Variants in HIF1A observed in about 807,000 individuals in gnomAD.
The protein encoded by HIF1A is hypoxia-inducible factor 1-alpha.
A neutral mutation model predicts 92.7 loss-of-function variants in HIF1A; 24 were observed. The observed-to-expected ratio is 0.26, with a 90% CI of 0.19 to 0.36. The LOEUF (loss-of-function observed/expected upper bound fraction) is 0.36. Ranked by LOEUF, HIF1A falls within the 10% of genes least tolerant of loss-of-function variation. HIF1A has a pLI of 1.00. For synonymous variants in HIF1A, 319 were observed against 338.7 expected, an observed-to-expected ratio of 0.94 and a Z score of 0.64; for missense variants, 799 against 998.5, an observed-to-expected ratio of 0.80 and a Z score of 2.69.
chr14:61,731,866 T>C (rs1376159660), intron 6 of HIF1A, among the ~76,000 whole-genome samples: 1 of 152,208 alleles, frequency 6.6e-6, no homozygotes, highest in African/African-American at 2.4e-5. Context: ...GCTGGGCACG[T>C]TGGCTCATGC....
At chr14:61,724,307 T>C (rs2140140093) in intron 4 of HIF1A, among the ~76,000 whole-genome samples, 1 of 143,032 alleles carries the variant, frequency 7.0e-6, no homozygotes, top group East Asian at 2.1e-4. Context: ...TTACTGCCAC[T>C]ACCACAACCA....
chr14:61,721,496 G>A lies in HIF1A; in HGVS notation c.227-13G>A. The stretch of plus-strand genomic sequence containing the variant: ...TTTAACTAATTATTTTCCTCTTCTT[G>A]TGCCCTTTTTAGGTGATTTGGATAT... On this transcript the variant is annotated splice_polypyrimidine_tract_variant and intron_variant, in intron 2 of 14. Coordinates refer to ENST00000337138, the MANE Select transcript of HIF1A (RefSeq NM_001530.4). The A allele has an allele frequency of 1.2e-6, 2 of 1,604,250 alleles. No individual in the cohort carries two copies. Among genetic ancestry groups the A allele is most frequent in the South Asian group, 1.1e-5 (1 of 90,086 alleles).
chr14:61,737,911 C>T (rs1049967010), intron 9 of HIF1A, among the ~76,000 whole-genome samples, 176 bp from the exon 10 acceptor site: 2 of 152,028 alleles, frequency 1.3e-5, no homozygotes, highest in African/African-American at 2.4e-5. Flanking sequence ...CCTGTAATCC[C>T]AGCTACTTGG....
chr14:61,705,609 T>TTCCA (rs1324055732), intron 1 of HIF1A, among the ~76,000 whole-genome samples: 1 of 152,166 alleles, frequency 6.6e-6, no homozygotes, highest in Admixed American at 6.5e-5. Context: ...ATATTGAGCA[T>TTCCA]CTGATTTGTG....
At chr14:61,735,262 G>T (rs1466704429) in intron 8 of HIF1A, among the ~76,000 whole-genome samples, 1 of 152,188 alleles carries the variant, frequency 6.6e-6, no homozygotes, top group Non-Finnish European at 1.5e-5. Context: ...ACGCATTAGA[G>T]ATTTAGCCTT....
chr14:61,728,879 TTCCC>T (rs2044540271), intron 6 of HIF1A, among the ~76,000 whole-genome samples: 1 of 152,150 alleles, frequency 6.6e-6, no homozygotes, highest in Non-Finnish European at 1.5e-5. Flanking sequence ...CCTCAAATGC[TTCCC>T]TCCATCTTTG....
chr14:61,725,049 G>T (rs1326744978), intron 4 of HIF1A, among the ~76,000 whole-genome samples: 1 of 152,004 alleles, frequency 6.6e-6, no homozygotes, highest in Non-Finnish European at 1.5e-5. Context: ...TCCTACCTCT[G>T]TGCTTTTCAT....
intron 6 of HIF1A, among the ~76,000 whole-genome samples, chr14:61,731,521 A>C (rs1364518820): frequency 6.6e-6 from 1 of 152,210 alleles, no homozygotes; most frequent in African/African-American, 2.4e-5. Flanking sequence ...AATGCCAAAA[A>C]CTAAACTAAG....
At chr14:61,710,819 G>A (rs1254688938) in intron 1 of HIF1A, among the ~76,000 whole-genome samples, 1 of 152,074 alleles carries the variant, frequency 6.6e-6, no homozygotes, top group Non-Finnish European at 1.5e-5. Flanking sequence ...CCAGCACTTT[G>A]GGAGGCTGAG....
Position 61,740,755 on chromosome 14 carries a change from G to A in HIF1A, c.1660G>A (p.Asp554Asn). Residue 554 changes from aspartate to asparagine, a missense_variant and splice_region_variant, in exon 12 of 15, where the codon GAC becomes AAC. Asp to Asn is a conservative substitution (Grantham distance 23). This residue lies in a region of HIF1A where 516 missense variants were observed against 721.0 expected (regional missense o/e 0.72). Coordinates refer to ENST00000337138, the MANE Select transcript of HIF1A (RefSeq NM_001530.4). ...AACTCATGTATTTGCTGTTTTAAAG[G>A]ACACAGATTTAGACTTGGAGATGTT... ...TEAKNPFSTQDTDLDLEMLAP... is the reference protein window; with the variant it reads ...TEAKNPFSTQNTDLDLEMLAP... The A allele has an allele frequency of 6.2e-7, 1 of 1,606,298 alleles. No homozygotes were observed. The highest frequency in any genetic ancestry group is 8.5e-7 in the Non-Finnish European group (1 of 1,176,264).
chr14:61,700,560 T>G (rs2044166193), intron 1 of HIF1A, among the ~76,000 whole-genome samples: 2 of 152,216 alleles, frequency 1.3e-5, no homozygotes, highest in Admixed American at 6.5e-5. Context: ...AACGGACACT[T>G]GGGTTGCTTC....
intron 14 of HIF1A, 139 bp from the exon 15 acceptor site, chr14:61,746,795 A>G: frequency 1.7e-6 from 1 of 591,758 alleles, no homozygotes; most frequent in African/African-American, 1.9e-5. Context: ...TTTTTAACAT[A>G]GTTGTGGTTT....
rs955661578 is a variant in HIF1A, at chr14:61,707,483, C to T, written c.35+11644C>T. ...CCCCCCACCCCACAACAGGCCCCGG[C>T]GTGTGATGTTCCCCTTCCTGTGTCC... is the stretch of plus-strand genomic sequence containing the variant. On this transcript the variant is annotated intron_variant, in intron 1 of 14. Transcript: ENST00000337138. 5.3e-5 allele frequency among the ~76,000 whole-genome samples: 8 copies of T among 151,926 alleles called. No individual in the cohort carries two copies. In the South Asian group the frequency reaches 1.0e-3, roughly 20 times the overall value.
chr14:61,741,142 T>C lies in HIF1A; in HGVS notation c.2047T>C (p.Ser683Pro), dbSNP rs1394308052. The C allele has an allele frequency of 6.2e-7, 1 of 1,612,580 alleles. No individual in the cohort carries two copies. Among genetic ancestry groups the C allele is most frequent in the East Asian group, 2.2e-5 (1 of 44,878 alleles). Residue 683 changes from serine to proline, a missense_variant, in exon 12 of 15, where the codon TCT becomes CCT. By Grantham distance (74) the Ser-to-Pro change is moderately conservative. Coordinates refer to ENST00000337138, the MANE Select transcript of HIF1A (RefSeq NM_001530.4). Reference sequence around the variant, plus strand: ...AGGAGTCATAGAACAGACAGAAAAATCTCATCCAAGAAGCCCTAACGTGTT... The same window carrying C: ...AGGAGTCATAGAACAGACAGAAAAACCTCATCCAAGAAGCCCTAACGTGTT... ...GKGVIEQTEK[S>P]HPRSPNVLSV...
intron 4 of HIF1A, among the ~76,000 whole-genome samples, chr14:61,724,897 A>T (rs1421812147): frequency 6.6e-6 from 1 of 152,190 alleles, no homozygotes; most frequent in Non-Finnish European, 1.5e-5. Context: ...TTGAATATTT[A>T]GGCAGGACTC....
At chr14:61,713,627 T>C (rs1279181497) in intron 1 of HIF1A, among the ~76,000 whole-genome samples, 2 of 152,114 alleles carry the variant, frequency 1.3e-5, no homozygotes, top group Non-Finnish European at 2.9e-5. Context: ...TGGTACTTGA[T>C]AGATGCATCC....
intron 14 of HIF1A, among the ~76,000 whole-genome samples, 172 bp downstream of exon 14, chr14:61,745,989 C>T (rs568331647): frequency 7.3e-4 from 111 of 152,040 alleles, no homozygotes; most frequent in Admixed American, 2.6e-3. Context: ...TTTGGGAGGC[C>T]GAGGCAGCCA....
At chr14:61,736,737 C>T in intron 8 of HIF1A, 152 bp from the exon 9 acceptor site, 1 of 597,608 alleles carries the variant, frequency 1.7e-6, no homozygotes. Context: ...CTAAATGTGA[C>T]ACAGTACGCA....
At chr14:61,730,127 G>A (rs533054750) in intron 6 of HIF1A, among the ~76,000 whole-genome samples, 1 of 152,208 alleles carries the variant, frequency 6.6e-6, no homozygotes, top group South Asian at 2.1e-4. Context: ...AACAGTTCCT[G>A]CCTCAAAATA....
Sources: allele counts gnomAD v4.1 joint callset (sites outside exome capture counted in the v4.1 genomes callset), GRCh38; gene constraint gnomAD v4.1.1; regional missense constraint gnomAD v4.1.1; transcripts MANE v1.5; gene names NCBI Gene and HGNC (gene_info 2026-07-23, HGNC 2026-07-21).